SPAG9: variants seen among roughly 807,000 people sequenced by gnomAD.
SPAG9 encodes sperm associated antigen 9, also known as C-Jun-amino-terminal kinase-interacting protein 4.
SPAG9 carries 35 observed loss-of-function variants against 166.5 expected under a neutral mutation model. The ratio of observed to expected loss-of-function variants is 0.21; its 90% CI spans 0.16 to 0.28. The LOEUF (loss-of-function observed/expected upper bound fraction) is 0.28, where lower values mean the gene tolerates loss of function less well. Among genes scored for constraint, SPAG9 ranks in the 10% least tolerant of loss-of-function variants. The probability of loss-of-function intolerance (pLI) is 1.00; values close to 1 mark genes in which losing one functional copy is unlikely to be tolerated. For synonymous variants in SPAG9, 534 were observed against 565.5 expected, an observed-to-expected ratio of 0.94 and a Z score of 0.79; for missense variants, 1,235 against 1,603.3, an observed-to-expected ratio of 0.77 and a Z score of 3.92.
rs1974816981 is a variant in SPAG9 at position 50,983,630 on chromosome 17, A to T, written c.3089-958T>A. Among the ~76,000 whole-genome samples, 4 of 152,160 alleles carry T rather than the reference A, an allele frequency of 2.6e-5. No homozygotes were observed. In the South Asian group the frequency reaches 8.3e-4, roughly 32 times the overall value. The stretch of plus-strand genomic sequence containing the variant: ...CAGGACTTTACATTGACACTTACTA[A>T]ATGCATTTTACTTGTCTTATTCTGT... On this transcript the variant is annotated intron_variant, in intron 24 of 29. Transcript: ENST00000262013.
At chr17:51,078,032 C>T (rs111554094) in intron 2 of SPAG9, among the ~76,000 whole-genome samples, 1 of 151,906 alleles carries the variant, frequency 6.6e-6, no homozygotes, top group African/African-American at 2.4e-5. Context: ...AAGGCTCAAG[C>T]AATCCTCCCA....
intron 6 of SPAG9, among the ~76,000 whole-genome samples, chr17:51,022,290 C>T (rs974115397): frequency 1.3e-5 from 2 of 152,016 alleles, no homozygotes; most frequent in Admixed American, 6.6e-5. Context: ...CTAAGTCCAA[C>T]TCCAGACTTA....
chr17:50,995,049 A>G lies in SPAG9; in HGVS notation c.2226+8T>C. On this transcript the variant is annotated splice_region_variant and intron_variant, in intron 18 of 29. Coordinates refer to ENST00000262013, the MANE Select transcript of SPAG9 (RefSeq NM_001130528.3). ...TAAACCAGGTCAAATGTTAGTACAC[A>G]CACTTACCTTAAGTTCCTGATCTAA... is the stretch of plus-strand genomic sequence containing the variant. 1 of 1,607,202 alleles carries G rather than the reference A, an allele frequency of 6.2e-7. No individual in the cohort carries two copies. The highest frequency in any genetic ancestry group is 1.1e-5 in the South Asian group (1 of 90,428).
intron 15 of SPAG9, 90 bp downstream of exon 15, chr17:50,998,354 A>C: frequency 1.7e-6 from 2 of 1,202,060 alleles, no homozygotes; most frequent in South Asian, 1.5e-5. Flanking sequence ...TTATAGATTT[A>C]CCTGAATCCT....
In SPAG9 at chr17:50,966,225, C is replaced by A. The variant is rs747102425; in HGVS notation, c.*47G>T. On this transcript the variant is annotated 3_prime_UTR_variant, in exon 30 of 30. Coordinates refer to ENST00000262013, the MANE Select transcript of SPAG9 (RefSeq NM_001130528.3). ...AATAAAAGGATAGAGGGAAAATAAACCATGCAGAAGAGACGGCTTCCCCAT... is the reference window on the plus strand; with the variant it reads ...AATAAAAGGATAGAGGGAAAATAAAACATGCAGAAGAGACGGCTTCCCCAT... 1 of 1,101,116 alleles carries A rather than the reference C, an allele frequency of 9.1e-7. No homozygotes were observed. The highest frequency in any genetic ancestry group is 1.7e-5 in the Admixed American group (1 of 59,092). The allele number at this position is 1,101,116 out of a possible 1,614,324, so 68.2% of individuals were successfully genotyped here.
At chr17:51,002,514 G>T (rs1010519234) in intron 12 of SPAG9, among the ~76,000 whole-genome samples, 3 of 152,196 alleles carry the variant, frequency 2.0e-5, no homozygotes, top group African/African-American at 4.8e-5. Context: ...TGGACGCAGT[G>T]ACTCACGCCT....
chr17:51,095,964 T>G (rs1470167856), intron 1 of SPAG9, among the ~76,000 whole-genome samples: 1 of 105,410 alleles, frequency 9.5e-6, no homozygotes, highest in East Asian at 2.4e-4. Flanking sequence ...TAGTGATATA[T>G]ATATATAGTG....
intron 29 of SPAG9, among the ~76,000 whole-genome samples, chr17:50,970,131 C>T (rs1973667489): frequency 6.6e-6 from 1 of 152,162 alleles, no homozygotes; most frequent in Admixed American, 6.6e-5. Context: ...GGCCTTCTGA[C>T]CCTAAATCCT....
intron 1 of SPAG9, among the ~76,000 whole-genome samples, chr17:51,089,171 C>A (rs992720038): frequency 3.3e-5 from 5 of 151,704 alleles, no homozygotes; most frequent in Non-Finnish European, 7.4e-5. Flanking sequence ...TGCCTGTAAT[C>A]CTAGCACTTT....
intron 26 of SPAG9, among the ~76,000 whole-genome samples, chr17:50,978,667 T>C (rs1250608368): frequency 6.6e-6 from 1 of 152,170 alleles, no homozygotes; most frequent in Non-Finnish European, 1.5e-5. Context: ...ACAGTTAGGC[T>C]ATGACCTGAA....
intron 6 of SPAG9, among the ~76,000 whole-genome samples, chr17:51,028,275 A>C: frequency 6.6e-6 from 1 of 152,272 alleles, no homozygotes. Flanking sequence ...AAATTAAATA[A>C]ATGTAGTATA....
At chr17:51,101,859 A>G (rs2048817252) in intron 1 of SPAG9, among the ~76,000 whole-genome samples, 1 of 152,120 alleles carries the variant, frequency 6.6e-6, no homozygotes, top group South Asian at 2.1e-4. Context: ...TCCTGACCTC[A>G]GGTGATCTGC....
At chr17:51,095,165 C>G (rs373857814) in intron 1 of SPAG9, among the ~76,000 whole-genome samples, 1 of 151,706 alleles carries the variant, frequency 6.6e-6, no homozygotes, top group African/African-American at 2.4e-5. Context: ...GGCGTGGTGG[C>G]GGGCACCTGT....
In SPAG9 at chr17:51,107,665, A is replaced by G. The variant is rs573740527; in HGVS notation, c.303+12689T>C. 1.7e-4 allele frequency among the ~76,000 whole-genome samples: 25 copies of G among 148,778 alleles called. No individual in the cohort carries two copies. The South Asian group carries it at 5.3e-3, about 32-fold the overall frequency. Reference sequence around the variant, plus strand: ...GGCAGGAGAATTGCTTGAACCCGGGAGGTGGAGGTTGCAGTGAGCCGAGAT... The same window carrying G: ...GGCAGGAGAATTGCTTGAACCCGGGGGGTGGAGGTTGCAGTGAGCCGAGAT... On this transcript the variant is annotated intron_variant, in intron 1 of 29. Transcript: ENST00000262013.
At position 50,971,069 on chromosome 17, in the gene SPAG9, T is replaced by C. The variant is rs558289712; in HGVS notation, c.3701-213A>G. The stretch of plus-strand genomic sequence containing the variant: ...AGGTCAGGCATGGTGGCTCACACCT[T>C]CGAGAGGCCGAAGTGGGAGAATCAC... On this transcript the variant is annotated intron_variant, in intron 28 of 29. Coordinates refer to ENST00000262013, the MANE Select transcript of SPAG9 (RefSeq NM_001130528.3). Among the ~76,000 whole-genome samples the C allele has an allele frequency of 2.0e-5, 3 of 152,254 alleles. No homozygotes were observed. In the South Asian group the frequency reaches 6.2e-4, roughly 32 times the overall value.
chr17:51,010,474 T>A (rs532732191), intron 9 of SPAG9, among the ~76,000 whole-genome samples: 1 of 151,032 alleles, frequency 6.6e-6, no homozygotes, highest in African/African-American at 2.4e-5. Flanking sequence ...TAAAATGCAG[T>A]GCCATGGGAA....
At chr17:51,110,139 T>G (rs1019674713) in intron 1 of SPAG9, among the ~76,000 whole-genome samples, 1 of 152,148 alleles carries the variant, frequency 6.6e-6, no homozygotes, top group Non-Finnish European at 1.5e-5. Context: ...ATATGTTAAG[T>G]ACTGAGGGGC....
At chr17:51,113,097 T>C (rs1247087772) in intron 1 of SPAG9, among the ~76,000 whole-genome samples, 4 of 151,700 alleles carry the variant, frequency 2.6e-5, no homozygotes, top group African/African-American at 7.3e-5. Context: ...CTCACACCCA[T>C]AATCCCAGCA....
intron 1 of SPAG9, among the ~76,000 whole-genome samples, chr17:51,116,573 A>ATTCT (rs2049293738): frequency 1.3e-5 from 2 of 152,092 alleles, no homozygotes; most frequent in Admixed American, 1.3e-4. Flanking sequence ...TCCAGACCAG[A>ATTCT]CTGGGCAACA....
Sources: gnomAD v4.1 joint callset for allele counts (sites outside exome capture counted in the v4.1 genomes callset) on GRCh38, gnomAD v4.1.1 for gene constraint, MANE v1.5 for transcripts, NCBI Gene and HGNC (gene_info 2026-07-23, HGNC 2026-07-21) for gene names.